FAT3: variants seen among roughly 807,000 people sequenced by gnomAD.
FAT3 encodes FAT atypical cadherin 3, also known as protocadherin Fat 3.
Under a neutral mutation model 310.2 loss-of-function variants are expected in FAT3, and 95 were observed. That is an observed-to-expected ratio of 0.31 (90% CI 0.26 to 0.36). The LOEUF is 0.36. FAT3 is among the 10% of genes least tolerant of loss of function. The pLI is 1.00. For synonymous variants in FAT3, 2,314 were observed against 2,192.9 expected, an observed-to-expected ratio of 1.06 and a Z score of -1.54; for missense variants, 5,408 against 5,715.6, an observed-to-expected ratio of 0.95 and a Z score of 1.74.
intron 2 of FAT3, among the ~76,000 whole-genome samples, chr11:92,522,464 T>C (rs1475653821): frequency 6.6e-6 from 1 of 152,080 alleles, no homozygotes; most frequent in African/African-American, 2.4e-5. Context: ...AGATGAATCC[T>C]AAGGTTAAAA....
At chr11:92,231,286 C>T (rs1362416074) in intron 1 of FAT3, among the ~76,000 whole-genome samples, 1 of 152,080 alleles carries the variant, frequency 6.6e-6, no homozygotes, top group African/African-American at 2.4e-5. Flanking sequence ...AGGTATTCAT[C>T]ATTTAGATCT....
At chr11:92,721,126 C>T (rs1944846367) in intron 4 of FAT3, among the ~76,000 whole-genome samples, 1 of 152,170 alleles carries the variant, frequency 6.6e-6, no homozygotes, top group Non-Finnish European at 1.5e-5. Flanking sequence ...TGTGTATTGT[C>T]CCCCAATACC....
chr11:92,551,406 T>TTTTG (rs1954812165), intron 3 of FAT3, among the ~76,000 whole-genome samples: 1 of 125,378 alleles, frequency 8.0e-6, no homozygotes, highest in Non-Finnish European at 1.8e-5. Context: ...TCCCATGTTT[T>TTTTG]TTTTGTTTTG....
chr11:92,386,063 G>T (rs1012905965), intron 2 of FAT3, among the ~76,000 whole-genome samples: 1 of 149,340 alleles, frequency 6.7e-6, no homozygotes, highest in Non-Finnish European at 1.5e-5. Context: ...TGGAAGGATC[G>T]CTTGAGCCTG....
intron 3 of FAT3, among the ~76,000 whole-genome samples, chr11:92,553,753 C>T (rs12785764): frequency 5.0e-5 from 6 of 119,608 alleles, no homozygotes; most frequent in Admixed American, 1.7e-4. Context: ...CTCCCTTTCT[C>T]TCTCTCTTTC....
chr11:92,716,629 T>G (rs1944699190), intron 4 of FAT3, among the ~76,000 whole-genome samples: 1 of 152,230 alleles, frequency 6.6e-6, no homozygotes, highest in African/African-American at 2.4e-5. Context: ...ACAGGTGAGT[T>G]GGACTTAGGG....
rs534657044 is a variant in FAT3 at position 92,799,522 on chromosome 11, C to T, written c.6509C>T (p.Thr2170Ile). Residue 2170 changes from threonine to isoleucine, a missense_variant, in exon 10 of 28, where the codon ACA (threonine) becomes ATA (isoleucine). Around this residue, in one of 5 missense-constraint regions of FAT3, gnomAD observed 4,588 missense variants for 4,809.8 expected, o/e 0.95. Transcript: ENST00000525166. Reference protein sequence around the residue: ...AKDGGKPSLSTSVELPITIVN... With the variant: ...AKDGGKPSLSISVELPITIVN... ...GATGGCGGAAAACCTTCTTTGTCTA[C>T]ATCTGTGGAGCTTCCCATCACTATT... is the stretch of plus-strand genomic sequence containing the variant. The T allele has an allele frequency of 1.2e-6, 2 of 1,613,748 alleles. No individual in the cohort carries two copies. The highest frequency in any genetic ancestry group is 1.3e-5 in the African/African-American group (1 of 75,022).
chr11:92,636,710 C>G (rs531167835), intron 3 of FAT3, among the ~76,000 whole-genome samples: 173 of 152,316 alleles, frequency 1.1e-3, no homozygotes, highest in African/African-American at 3.9e-3. Flanking sequence ...TTTCACTGGG[C>G]TTCAGGCTTC....
intron 1 of FAT3, among the ~76,000 whole-genome samples, chr11:92,306,060 T>C (rs1408689194): frequency 6.6e-6 from 1 of 152,160 alleles, no homozygotes; most frequent in African/African-American, 2.4e-5. Flanking sequence ...GTTTTTTTTG[T>C]AAATTTGAAA....
intron 1 of FAT3, among the ~76,000 whole-genome samples, chr11:92,253,461 A>G: frequency 6.6e-6 from 1 of 152,060 alleles, no homozygotes; most frequent in African/African-American, 2.4e-5. Flanking sequence ...ATAATTAGTC[A>G]TGTAAAACAC....
chr11:92,349,127 G>A lies in FAT3; in HGVS notation c.-17-2969G>A, dbSNP rs141908400. ...GTCTAGACTCCTTGGGCTAAGGATC[G>A]GCAAAATTACTGTTACAGGAAGTCT... is the stretch of plus-strand genomic sequence containing the variant. On this transcript the variant is annotated intron_variant, in intron 1 of 27. Coordinates refer to ENST00000525166, the MANE Select transcript of FAT3 (RefSeq NM_001367949.2). Among the ~76,000 whole-genome samples the A allele has an allele frequency of 2.5e-3, 381 of 152,188 alleles. 3 individuals are homozygous for A. Among genetic ancestry groups the A allele is most frequent in the African/African-American group, 8.5e-3 (354 of 41,522 alleles).
At chr11:92,615,803 A>G (rs945672687) in intron 3 of FAT3, among the ~76,000 whole-genome samples, 9 of 152,172 alleles carry the variant, frequency 5.9e-5, no homozygotes, top group African/African-American at 1.9e-4. Flanking sequence ...GAGTTTCTTA[A>G]TCATGAGTTC....
intron 2 of FAT3, 44 bp from the exon 3 acceptor site, chr11:92,524,590 C>A (rs75065148): frequency 6.4e-7 from 1 of 1,564,544 alleles, no homozygotes; most frequent in African/African-American, 1.4e-5. Context: ...TATTTAATGT[C>A]TTCCCTTTCT....
rs1565296555 is a variant in FAT3, at chr11:92,412,752, C to CACACACACATATATATATATAT, written c.3292+57349_3292+57350insCACACACATATATATATATATA. On this transcript the variant is annotated intron_variant, in intron 2 of 27. Coordinates refer to ENST00000525166, the MANE Select transcript of FAT3 (RefSeq NM_001367949.2). ...ATATATATATATATATATAAATATA[C>CACACACACATATATATATATAT]ATACATATATATATATTTAATGTAA... Among the ~76,000 whole-genome samples the CACACACACATATATATATATAT allele has an allele frequency of 2.5e-4, 6 of 24,292 alleles. 1 individual carries two copies. The highest frequency in any genetic ancestry group is 2.1e-3 in the Admixed American group (3 of 1,432). The allele number at this position is 24,292 out of a possible 152,430, so 15.9% of individuals were successfully genotyped here. A position where few individuals can be genotyped will look rare whatever the true frequency, so the allele number is the denominator to read the frequency against.
At chr11:92,299,891 C>A (rs1457763004) in intron 1 of FAT3, among the ~76,000 whole-genome samples, 6 of 152,090 alleles carry the variant, frequency 3.9e-5, no homozygotes, top group African/African-American at 1.4e-4. Flanking sequence ...CCTTCCATGG[C>A]CCCCATAGCT....
chr11:92,455,285 A>T (rs530467443), intron 2 of FAT3, among the ~76,000 whole-genome samples: 1 of 152,278 alleles, frequency 6.6e-6, no homozygotes, highest in Non-Finnish European at 1.5e-5. Context: ...GCTTTAGTTT[A>T]TCCATGCCTT....
chr11:92,392,086 G>A (rs1310331961), intron 2 of FAT3, among the ~76,000 whole-genome samples: 1 of 151,984 alleles, frequency 6.6e-6, no homozygotes, highest in Non-Finnish European at 1.5e-5. Flanking sequence ...GTCTGTGCTG[G>A]TTTATCACAT....
intron 2 of FAT3, among the ~76,000 whole-genome samples, chr11:92,441,734 C>G (rs1951067803): frequency 6.6e-6 from 1 of 152,088 alleles, no homozygotes; most frequent in Admixed American, 6.6e-5. Context: ...TTCTCTCAAC[C>G]AACACACAAG....
intron 7 of FAT3, among the ~76,000 whole-genome samples, chr11:92,775,791 T>C (rs1227229289): frequency 1.3e-5 from 2 of 152,338 alleles, no homozygotes; most frequent in East Asian, 1.9e-4. Flanking sequence ...GATTCTGACA[T>C]GCAGCCAGGG....
Sources: gnomAD v4.1 joint callset for allele counts (sites outside exome capture counted in the v4.1 genomes callset) on GRCh38, gnomAD v4.1.1 for gene constraint, gnomAD v4.1.1 regional missense constraint, MANE v1.5 for transcripts, NCBI Gene and HGNC (gene_info 2026-07-23, HGNC 2026-07-21) for gene names.